The following PCDHGB2 variants were observed in gnomAD, a reference collection of about 807,000 sequenced individuals.
PCDHGB2 encodes protocadherin gamma-B2.
PCDHGB2 carries 55 observed loss-of-function variants against 59.3 expected under a neutral mutation model. That is an observed-to-expected ratio of 0.93 (90% CI 0.75 to 1.16). The LOEUF (loss-of-function observed/expected upper bound fraction) is 1.16, where lower values mean the gene tolerates loss of function less well. Ranked by LOEUF, PCDHGB2 falls within the 50% of genes most tolerant of loss-of-function variation. The pLI is 0.00. For synonymous variants in PCDHGB2, 516 were observed against 512.0 expected (o/e 1.01, Z -0.11); for missense variants, 1,228 against 1,198.5 (o/e 1.02, Z -0.36).
chr5:141,415,584 T>C lies in PCDHGB2; in HGVS notation c.2421+53028T>C, dbSNP rs763238799. 7.4e-6 allele frequency: 12 copies of C among 1,614,012 alleles called. No individual in the cohort carries two copies. In the South Asian group the frequency reaches 1.3e-4, roughly 18 times the overall value. ...TGTCTTTGTTAGATGATTCGAAGTT[T>C]CCTATAGAGGATACCCCATTGGTTC... On this transcript the variant is annotated intron_variant, in intron 1 of 3. Coordinates refer to ENST00000522605, the MANE Select transcript of PCDHGB2 (RefSeq NM_018923.3).
rs570029585 is a variant in PCDHGB2 at position 141,389,223 on chromosome 5, G to A, written c.2421+26667G>A. On this transcript the variant is annotated intron_variant, in intron 1 of 3. Coordinates refer to ENST00000522605, the MANE Select transcript of PCDHGB2 (RefSeq NM_018923.3). ...GCACATTGGTGATGTAAATGACAAC[G>A]CTCCGGTTTTCTCACAGTCTTCCTA... 5.0e-6 allele frequency: 8 copies of A among 1,613,994 alleles called. No homozygotes were observed. The African/African-American group carries it at 8.0e-5, about 16-fold the overall frequency.
intron 1 of PCDHGB2, chr5:141,376,149 TCA>T (rs1772336007): frequency 1.2e-6 from 2 of 1,613,934 alleles, no homozygotes; most frequent in Non-Finnish European, 1.7e-6. Context: ...GATTCGGACC[TCA>T]CTCTGTACCT....
intron 1 of PCDHGB2, chr5:141,430,868 G>A (rs1414256124): frequency 6.3e-7 from 1 of 1,597,104 alleles, no homozygotes; most frequent in Admixed American, 1.8e-5. Context: ...TTCAGTTCCG[G>A]AAGAGCTGGA....
chr5:141,445,576 G>A (rs1459010134), intron 1 of PCDHGB2, among the ~76,000 whole-genome samples: 1 of 152,158 alleles, frequency 6.6e-6, no homozygotes, highest in Non-Finnish European at 1.5e-5. Flanking sequence ...TTATAGTAGG[G>A]AAGCTTCGCC....
At chr5:141,415,696 G>C (rs867312295) in intron 1 of PCDHGB2, 12 of 1,397,434 alleles carry the variant, frequency 8.6e-6, no homozygotes, top group Non-Finnish European at 1.1e-5. Flanking sequence ...GGTGGAAAGT[G>C]TAAATGCTAA....
At chr5:141,464,913 AT>A (rs1366203949) in intron 1 of PCDHGB2, among the ~76,000 whole-genome samples, 1 of 151,428 alleles carries the variant, frequency 6.6e-6, no homozygotes, top group Non-Finnish European at 1.5e-5. Context: ...TAATTTTTTT[AT>A]TTTTTTGTAG....
At chr5:141,403,314 T>C (rs1178188100) in intron 1 of PCDHGB2, 7 of 1,613,856 alleles carry the variant, frequency 4.3e-6, no homozygotes, top group Non-Finnish European at 5.1e-6. Flanking sequence ...GGAATAGAAA[T>C]AGAAGTAACT....
At chr5:141,398,565 A>C in intron 1 of PCDHGB2, 1 of 1,614,040 alleles carries the variant, frequency 6.2e-7, no homozygotes, top group Non-Finnish European at 8.5e-7. Context: ...GTGAGTCTGC[A>C]CAGCCTGGCA....
intron 1 of PCDHGB2, among the ~76,000 whole-genome samples, chr5:141,454,266 C>T (rs2098785508): frequency 1.3e-5 from 2 of 152,132 alleles, no homozygotes; most frequent in African/African-American, 4.8e-5. Flanking sequence ...AAAGTAATGC[C>T]AGCAAAAACT....
chr5:141,392,758 A>G (rs1589161304), intron 1 of PCDHGB2: 2 of 1,472,462 alleles, frequency 1.4e-6, no homozygotes, highest in Non-Finnish European at 1.8e-6. Context: ...AAGAAACTAA[A>G]TAAGACCCAT....
At chr5:141,375,611 G>T in intron 1 of PCDHGB2, 1 of 1,614,178 alleles carries the variant, frequency 6.2e-7, no homozygotes, top group Non-Finnish European at 8.5e-7. Flanking sequence ...CATCAACTCC[G>T]ACACTGGGAT....
At position 141,395,150 on chromosome 5, in the gene PCDHGB2, C is replaced by T. The variant is rs368875505; in HGVS notation, c.2421+32594C>T. ...CCCAGCCCAACTACGCAGACATGCT[C>T]ATCAGTCAGGAGGGCTGTGAGAAAA... On this transcript the variant is annotated intron_variant, in intron 1 of 3. Transcript: ENST00000522605. 8 of 1,614,044 alleles carry T rather than the reference C, an allele frequency of 5.0e-6. No individual in the cohort carries two copies. In the African/African-American group the frequency reaches 6.7e-5, roughly 13 times the overall value.
At chr5:141,371,060 A>G in intron 1 of PCDHGB2, 1 of 1,613,980 alleles carries the variant, frequency 6.2e-7, no homozygotes, top group Non-Finnish European at 8.5e-7. Flanking sequence ...AGCCCTCCAG[A>G]AGCTGTACCA....
chr5:141,502,884 A>T (rs2099816871), intron 2 of PCDHGB2, among the ~76,000 whole-genome samples: 1 of 36,804 alleles, frequency 2.7e-5, no homozygotes, highest in African/African-American at 3.5e-4. Context: ...TTTTTTTGAC[A>T]GGGAGTCTAG....
intron 1 of PCDHGB2, chr5:141,405,481 G>A: frequency 2.0e-6 from 2 of 992,130 alleles, no homozygotes; most frequent in Middle Eastern, 2.6e-4. Context: ...ATGCAGTGGT[G>A]TGATCTCGGC....
chr5:141,465,210 AT>A (rs1374516492), intron 1 of PCDHGB2, among the ~76,000 whole-genome samples: 4 of 152,032 alleles, frequency 2.6e-5, no homozygotes, highest in African/African-American at 9.7e-5. Flanking sequence ...TATAAGCTTT[AT>A]TTTTCAACAT....
intron 1 of PCDHGB2, among the ~76,000 whole-genome samples, chr5:141,454,607 T>C (rs1207742002): frequency 6.6e-6 from 1 of 151,574 alleles, no homozygotes; most frequent in Non-Finnish European, 1.5e-5. Flanking sequence ...GGTTTCTCCA[T>C]GTTGGTCAGG....
intron 1 of PCDHGB2, chr5:141,422,211 C>G: frequency 6.4e-7 from 1 of 1,563,286 alleles, no homozygotes; most frequent in Non-Finnish European, 8.6e-7. Context: ...GTGGAGGTCT[C>G]TTTACCACCA....
At chr5:141,404,703 C>T (rs545479443) in intron 1 of PCDHGB2, 3 of 1,614,124 alleles carry the variant, frequency 1.9e-6, no homozygotes, top group African/African-American at 2.7e-5. Flanking sequence ...TCTGCAGAGC[C>T]TGGCTACCTG....
Sources: gnomAD v4.1 joint callset for allele counts (sites outside exome capture counted in the v4.1 genomes callset) on GRCh38, gnomAD v4.1.1 for gene constraint, MANE v1.5 for transcripts, NCBI Gene and HGNC (gene_info 2026-07-23, HGNC 2026-07-21) for gene names.